ABI2: variants seen among roughly 807,000 people sequenced by gnomAD.
ABI2 encodes the protein abelson interactor 2.
ABI2 carries 25 observed loss-of-function variants against 59.2 expected under a neutral mutation model. The observed-to-expected ratio is 0.42, with a 90% CI of 0.31 to 0.59. ABI2 has a LOEUF of 0.59. ABI2 is among the 20% of genes least tolerant of loss of function. The pLI, the probability that ABI2 is intolerant of heterozygous loss-of-function variation, is 0.14. For missense variants in ABI2, 545 were observed against 681.8 expected (o/e 0.80, Z 2.23); for synonymous variants, 213 against 235.5 (o/e 0.90, Z 0.87).
At chr2:203,388,260 G>A (rs2096608265) in intron 4 of ABI2, among the ~76,000 whole-genome samples, 2 of 152,184 alleles carry the variant, frequency 1.3e-5, no homozygotes, top group African/African-American at 4.8e-5. Context: ...TATAAAATTA[G>A]ATTGTTTGGA....
intron 10 of ABI2, 149 bp downstream of exon 10, chr2:203,411,520 G>T: frequency 1.6e-6 from 1 of 643,334 alleles, no homozygotes; most frequent in East Asian, 2.9e-5. Flanking sequence ...AGATAAAATA[G>T]AGAAATTTTC....
intron 11 of ABI2, among the ~76,000 whole-genome samples, chr2:203,419,942 C>T (rs530916077): frequency 3.3e-5 from 5 of 152,228 alleles, no homozygotes; most frequent in Admixed American, 1.3e-4. Flanking sequence ...GAGCTGAGAT[C>T]GCCCCATTGC....
chr2:203,417,169 A>G (rs1049101952), intron 11 of ABI2, 88 bp downstream of exon 11: 38 of 1,194,960 alleles, frequency 3.2e-5, no homozygotes, highest in Middle Eastern at 6.0e-4. Flanking sequence ...CTTATTTTCT[A>G]CTAAGTGAAG....
At chr2:203,364,450 C>T (rs988470933) in intron 1 of ABI2, among the ~76,000 whole-genome samples, 7 of 152,090 alleles carry the variant, frequency 4.6e-5, no homozygotes, top group African/African-American at 1.2e-4. Context: ...GTGTGAAAGG[C>T]GAGAATTCTA....
intron 9 of ABI2, among the ~76,000 whole-genome samples, chr2:203,403,764 T>A (rs1270874193): frequency 6.1e-5 from 9 of 147,022 alleles, no homozygotes; most frequent in Admixed American, 2.1e-4. Flanking sequence ...TTTTTTTTTT[T>A]AAATTGAGAT....
intron 1 of ABI2, among the ~76,000 whole-genome samples, chr2:203,339,458 G>C (rs893956114): frequency 6.6e-6 from 1 of 151,676 alleles, no homozygotes; most frequent in Non-Finnish European, 1.5e-5. Context: ...GCGGGTGTCT[G>C]CAGTCCTAGC....
intron 11 of ABI2, among the ~76,000 whole-genome samples, chr2:203,426,122 A>G (rs1278865855): frequency 6.6e-6 from 1 of 152,238 alleles, no homozygotes; most frequent in Non-Finnish European, 1.5e-5. Context: ...CAGGCCAGAA[A>G]CAAATTTTCT....
At chr2:203,356,794 C>T (rs1171459832) in intron 1 of ABI2, among the ~76,000 whole-genome samples, 2 of 152,112 alleles carry the variant, frequency 1.3e-5, no homozygotes, top group Non-Finnish European at 2.9e-5. Context: ...AACTACCACA[C>T]TCGGCAGCAT....
intron 5 of ABI2, among the ~76,000 whole-genome samples, chr2:203,393,616 C>T (rs918424895): frequency 3.9e-5 from 6 of 152,112 alleles, no homozygotes; most frequent in Admixed American, 1.3e-4. Context: ...GAGTAAATTG[C>T]AAAGTGATCT....
intron 4 of ABI2, among the ~76,000 whole-genome samples, chr2:203,384,165 C>A (rs1400176912): frequency 6.6e-6 from 1 of 151,992 alleles, no homozygotes; most frequent in East Asian, 1.9e-4. Flanking sequence ...AGTTTTATAG[C>A]AAAGGACGTA....
At chr2:203,404,482 T>A (rs1380491804) in intron 9 of ABI2, among the ~76,000 whole-genome samples, 1 of 152,242 alleles carries the variant, frequency 6.6e-6, no homozygotes, top group Admixed American at 6.5e-5. Flanking sequence ...TACATTTGCC[T>A]TTTAAACCAT....
rs1358167836 is a variant in ABI2, at chr2:203,402,570, T to C, written c.1034-6T>C. ...ATGACATATGTATGTTCTATCTCTT[T>C]TTCAGGTCATCCTGTACAGTTCTAC... is the stretch of plus-strand genomic sequence containing the variant. On this transcript the variant is annotated splice_region_variant and splice_polypyrimidine_tract_variant and intron_variant, in intron 8 of 11. Transcript: ENST00000261018. 6.8e-7 allele frequency: 1 copy of C among 1,474,212 alleles called. No individual in the cohort carries two copies. Among genetic ancestry groups the C allele is most frequent in the Non-Finnish European group, 9.0e-7 (1 of 1,111,548 alleles). 91.3% of individuals were successfully genotyped at this position (1,474,212 alleles called of 1,614,324 possible). A position where few individuals can be genotyped will look rare whatever the true frequency, so the allele number is the denominator to read the frequency against.
At chr2:203,331,458 A>G (rs921436006) in intron 1 of ABI2, among the ~76,000 whole-genome samples, 1 of 142,658 alleles carries the variant, frequency 7.0e-6, no homozygotes, top group Non-Finnish European at 1.5e-5. Flanking sequence ...TCCTGGGTTC[A>G]AGCGATTCTT....
chr2:203,400,157 G>A (rs2097165302), intron 8 of ABI2, among the ~76,000 whole-genome samples: 1 of 120,460 alleles, frequency 8.3e-6, no homozygotes, highest in African/African-American at 3.1e-5. Context: ...TGGCAATCTC[G>A]GCCCACTGCA....
chr2:203,395,692 T>A lies in ABI2; in HGVS notation c.762T>A (p.Ser254Arg). 6.2e-7 allele frequency: 1 copy of A among 1,612,574 alleles called. No homozygotes were observed. The highest frequency in any genetic ancestry group is 8.5e-7 in the Non-Finnish European group (1 of 1,179,384). Reference sequence around the variant, plus strand: ...GTAGTGGAGGGAGCCACCCAAGTAGTCGGAGCAGCAGTCGAGAGAACAGTG... The same window carrying A: ...GTAGTGGAGGGAGCCACCCAAGTAGACGGAGCAGCAGTCGAGAGAACAGTG... ...SGSSGGSHPS[S>R]RSSSRENSGS... The change falls in exon 7 of 12, where the codon AGT becomes AGA. Residue 254 changes from serine to arginine, a missense_variant. By Grantham distance (110) the Ser-to-Arg change is moderately radical. Coordinates refer to ENST00000261018, the MANE Select transcript of ABI2 (RefSeq NM_001375670.1).
At chr2:203,377,768 T>C (rs561699532) in intron 2 of ABI2, among the ~76,000 whole-genome samples, 3 of 152,272 alleles carry the variant, frequency 2.0e-5, no homozygotes, top group South Asian at 4.1e-4. Context: ...TAGGCCAGCA[T>C]GGTGGAACAC....
chr2:203,391,227 A>T (rs2096730790), intron 5 of ABI2, 84 bp downstream of exon 5: 2 of 956,850 alleles, frequency 2.1e-6, no homozygotes, highest in South Asian at 4.2e-5. Context: ...TATTTTTTGA[A>T]TATTTGAAGA....
chr2:203,331,322 A>G (rs906990090), intron 1 of ABI2, among the ~76,000 whole-genome samples: 1 of 140,710 alleles, frequency 7.1e-6, no homozygotes, highest in Non-Finnish European at 1.5e-5. Context: ...AATTCACAGG[A>G]TCAGTGATCA....
intron 8 of ABI2, 80 bp from the exon 9 acceptor site, chr2:203,402,496 T>G: frequency 4.7e-6 from 5 of 1,071,046 alleles, no homozygotes; most frequent in East Asian, 3.0e-5. Flanking sequence ...TTCTTAAGAT[T>G]TAGGCATTGT....
Sources: gnomAD v4.1 joint callset for allele counts (sites outside exome capture counted in the v4.1 genomes callset) on GRCh38, gnomAD v4.1.1 for gene constraint, MANE v1.5 for transcripts, NCBI Gene and HGNC (gene_info 2026-07-23, HGNC 2026-07-21) for gene names.